The following DLGAP2 variants were observed in gnomAD, a reference collection of about 807,000 sequenced individuals.
The protein encoded by DLGAP2 is DLG associated protein 2.
DLGAP2 carries 26 observed loss-of-function variants against 100.3 expected under a neutral mutation model. The ratio of observed to expected loss-of-function variants is 0.26; its 90% CI spans 0.19 to 0.36. DLGAP2 has a LOEUF of 0.36. Among genes scored for constraint, DLGAP2 ranks in the 10% least tolerant of loss-of-function variants. The pLI is 1.00. For missense variants in DLGAP2, 1,858 were observed against 1,453.2 expected, an observed-to-expected ratio of 1.28 and a Z score of -4.53; for synonymous variants, 886 against 630.1, an observed-to-expected ratio of 1.41 and a Z score of -6.08.
chr8:1,112,214 A>G (rs1804978638), intron 2 of DLGAP2, among the ~76,000 whole-genome samples: 1 of 149,912 alleles, frequency 6.7e-6, no homozygotes, highest in Admixed American at 6.6e-5. Context: ...TTCTTTTAAA[A>G]AGTGTGTTCA....
intron 3 of DLGAP2, among the ~76,000 whole-genome samples, chr8:1,448,809 C>G (rs1329892819): frequency 1.3e-5 from 2 of 152,212 alleles, no homozygotes; most frequent in Non-Finnish European, 2.9e-5. Flanking sequence ...TGACATCAAT[C>G]ATTGCCCTGA....
At chr8:1,277,898 G>A (rs1407355690) in intron 3 of DLGAP2, among the ~76,000 whole-genome samples, 1 of 152,242 alleles carries the variant, frequency 6.6e-6, no homozygotes, top group Non-Finnish European at 1.5e-5. Context: ...AATGCTGACA[G>A]CGGAAACGTT....
intron 2 of DLGAP2, among the ~76,000 whole-genome samples, chr8:1,099,817 T>C (rs763573339): frequency 6.6e-6 from 1 of 152,234 alleles, no homozygotes; most frequent in Non-Finnish European, 1.5e-5. Flanking sequence ...GATAATTCAC[T>C]TAAATGTGAT....
chr8:1,146,769 C>T (rs1291059108), intron 2 of DLGAP2, among the ~76,000 whole-genome samples: 1 of 152,216 alleles, frequency 6.6e-6, no homozygotes, highest in Non-Finnish European at 1.5e-5. Flanking sequence ...AAAGGACAAG[C>T]CGTCCCCACT....
intron 1 of DLGAP2, among the ~76,000 whole-genome samples, chr8:851,557 G>T (rs1372525677): frequency 2.6e-5 from 4 of 152,154 alleles, no homozygotes; most frequent in Non-Finnish European, 5.9e-5. Flanking sequence ...ATTTTATTGT[G>T]TACATTTACA....
intron 14 of DLGAP2, among the ~76,000 whole-genome samples, chr8:1,697,826 A>AC (rs1799444571): frequency 6.6e-6 from 1 of 152,112 alleles, no homozygotes; most frequent in Admixed American, 6.5e-5. Flanking sequence ...ATCAGCCTCA[A>AC]CCCTTAAAAT....
At chr8:872,333 CTTT>C (rs1191019452) in intron 1 of DLGAP2, among the ~76,000 whole-genome samples, 1 of 100,146 alleles carries the variant, frequency 1.0e-5, no homozygotes. Context: ...CACTTCTTTT[CTTT>C]TTTTTTTTTT....
chr8:883,496 T>C (rs973295086), intron 1 of DLGAP2: 7 of 152,226 alleles, frequency 4.6e-5, no homozygotes, highest in Non-Finnish European at 1.0e-4. Context: ...GCATATTCTT[T>C]TTTTTCCCTT....
chr8:1,674,783 A>C (rs1798770952), intron 10 of DLGAP2, among the ~76,000 whole-genome samples: 1 of 152,166 alleles, frequency 6.6e-6, no homozygotes, highest in Non-Finnish European at 1.5e-5. Flanking sequence ...AAATAACCAA[A>C]TTTCCCCTGC....
intron 3 of DLGAP2, among the ~76,000 whole-genome samples, chr8:1,384,015 A>G (rs1796155718): frequency 6.6e-6 from 1 of 152,100 alleles, no homozygotes; most frequent in African/African-American, 2.4e-5. Context: ...AAAATATGTG[A>G]CCCCAACAAG....
At chr8:1,226,270 C>G (rs1293594939) in intron 2 of DLGAP2, among the ~76,000 whole-genome samples, 1 of 152,118 alleles carries the variant, frequency 6.6e-6, no homozygotes, top group African/African-American at 2.4e-5. Context: ...ATGCGGTGCA[C>G]CATGGAATAC....
intron 2 of DLGAP2, among the ~76,000 whole-genome samples, chr8:1,023,820 C>CTTGAA (rs1336119180): frequency 6.8e-6 from 1 of 147,704 alleles, no homozygotes; most frequent in Non-Finnish European, 1.5e-5. Flanking sequence ...TCAAATAATG[C>CTTGAA]TTGGTCTTTC....
At chr8:1,387,346 A>G (rs1796243443) in intron 3 of DLGAP2, among the ~76,000 whole-genome samples, 1 of 152,254 alleles carries the variant, frequency 6.6e-6, no homozygotes, top group Non-Finnish European at 1.5e-5. Context: ...TTAAAATAAA[A>G]GAATGGAATA....
At chr8:1,352,346 C>A (rs1293930297) in intron 3 of DLGAP2, among the ~76,000 whole-genome samples, 2 of 151,740 alleles carry the variant, frequency 1.3e-5, no homozygotes, top group Admixed American at 6.6e-5. Flanking sequence ...AGGCTGTGCT[C>A]CTCCTGTCCC....
intron 3 of DLGAP2, among the ~76,000 whole-genome samples, chr8:1,260,140 C>T (rs1799316726): frequency 6.6e-6 from 1 of 152,068 alleles, no homozygotes; most frequent in South Asian, 2.1e-4. Context: ...AGCCACAGGT[C>T]CTTTCCCCTG....
chr8:1,672,794 C>T (rs1012329722), intron 10 of DLGAP2, among the ~76,000 whole-genome samples: 3 of 152,228 alleles, frequency 2.0e-5, no homozygotes, highest in Non-Finnish European at 2.9e-5. Flanking sequence ...GGAGGCAGAG[C>T]ACGTCTCAGA....
chr8:762,747 C>T (rs1373089420), intron 1 of DLGAP2, among the ~76,000 whole-genome samples: 1 of 152,046 alleles, frequency 6.6e-6, no homozygotes, highest in Non-Finnish European at 1.5e-5. Context: ...ACCACAATCA[C>T]AGCTCACTGC....
At chr8:1,116,819 A>G (rs1409789379) in intron 2 of DLGAP2, among the ~76,000 whole-genome samples, 1 of 152,152 alleles carries the variant, frequency 6.6e-6, no homozygotes, top group African/African-American at 2.4e-5. Flanking sequence ...GAGAAAAAAA[A>G]AGAGAATATT....
chr8:1,159,601 T>G (rs1004637412), intron 2 of DLGAP2, among the ~76,000 whole-genome samples: 5 of 152,174 alleles, frequency 3.3e-5, no homozygotes, highest in African/African-American at 1.2e-4. Context: ...CTATCTAGAT[T>G]TGTACAACAG....
Sources: allele counts gnomAD v4.1 joint callset (sites outside exome capture counted in the v4.1 genomes callset), GRCh38; gene constraint gnomAD v4.1.1; transcripts MANE v1.5; gene names NCBI Gene and HGNC (gene_info 2026-07-23, HGNC 2026-07-21).